The following ZNF586 variants were observed in gnomAD, a reference collection of about 807,000 sequenced individuals.
The protein encoded by ZNF586 is zinc finger protein 586.
ZNF586 carries 7 observed loss-of-function variants against 6.7 expected under a neutral mutation model. The ratio of observed to expected loss-of-function variants is 1.04; its 90% CI spans 0.59 to 1.95. ZNF586 has a LOEUF of 1.95. Ranked by LOEUF, ZNF586 falls within the 30% of genes most tolerant of loss-of-function variation. The pLI, the probability that ZNF586 is intolerant of heterozygous loss-of-function variation, is 0.00. For missense variants in ZNF586, 442 were observed against 489.6 expected, an observed-to-expected ratio of 0.90 and a Z score of 0.92; for synonymous variants, 166 against 168.7, an observed-to-expected ratio of 0.98 and a Z score of 0.12.
rs144410987 is a variant in ZNF586 at position 57,771,157 on chromosome 19, C to T, written c.36+1279C>T. 3.8e-3 allele frequency among the ~76,000 whole-genome samples: 583 copies of T among 152,058 alleles called. 3 individuals carry two copies. The highest frequency in any genetic ancestry group is 0.013 in the African/African-American group (546 of 41,480). On this transcript the variant is annotated intron_variant, in intron 1 of 2. Coordinates refer to ENST00000396154, the MANE Select transcript of ZNF586 (RefSeq NM_017652.4). ...TCTACTAAAAATACAAAAAATTAGC[C>T]AGGCCTGGTGGCACACACCTGTAGT... is the stretch of plus-strand genomic sequence containing the variant.
intron 1 of ZNF586, 79 bp from the exon 2 acceptor site, chr19:57,776,464 G>C: frequency 6.6e-6 from 10 of 1,517,546 alleles, no homozygotes; most frequent in Non-Finnish European, 8.0e-6. Flanking sequence ...GATGGGCAAG[G>C]GTAGATATGT....
intron 1 of ZNF586, chr19:57,774,691 G>T (rs9749314): frequency 0.34 from 322,574 of 942,800 alleles, 58,186 homozygotes; most frequent in East Asian, 0.45. Context: ...GCGTCAGAAT[G>T]ATTTGGGGCT....
At chr19:57,776,210 A>G (rs1014448919) in intron 1 of ZNF586, among the ~76,000 whole-genome samples, 1 of 152,194 alleles carries the variant, frequency 6.6e-6, no homozygotes, top group African/African-American at 2.4e-5. Context: ...GTGTACGTAC[A>G]TAAGGATTAT....
At chr19:57,774,154 T>G (rs1987164738) in intron 1 of ZNF586, among the ~76,000 whole-genome samples, 1 of 145,414 alleles carries the variant, frequency 6.9e-6, no homozygotes, top group Non-Finnish European at 1.5e-5. Flanking sequence ...AGGCAGAGGT[T>G]GCAGTGAACC....
Position 57,769,853 on chromosome 19 carries a change from C to A in ZNF586, c.11C>A (p.Ala4Glu). Reference sequence around the variant, plus strand: ...CCCCCGCCCAGAGTCATGGCGGCAGCAGCCGCTCTGAGGGCGCCTGCTCAG... The same window carrying A: ...CCCCCGCCCAGAGTCATGGCGGCAGAAGCCGCTCTGAGGGCGCCTGCTCAG... MAA[A>E]AALRAPAQSS... Residue 4 changes from alanine (A) to glutamate (E), a missense_variant, in exon 1 of 3, where the codon GCA becomes GAA. Coordinates refer to ENST00000396154, the MANE Select transcript of ZNF586 (RefSeq NM_017652.4). 1 of 1,543,496 alleles carries A rather than the reference C, an allele frequency of 6.5e-7. No individual in the cohort carries two copies. Among genetic ancestry groups the A allele is most frequent in the Non-Finnish European group, 8.7e-7 (1 of 1,145,526 alleles).
rs779581505 is a variant in ZNF586 at position 57,776,577 on chromosome 19, T to C, written c.71T>C (p.Phe24Ser). Residue 24 changes from phenylalanine to serine, a missense_variant, in exon 2 of 3, where the codon TTT becomes TCT. Transcript: ENST00000396154. ...SVTFEDVAVNFSLEEWSLLNE... is the reference protein window; with the variant it reads ...SVTFEDVAVNSSLEEWSLLNE... ...ACCTTTGAAGATGTGGCTGTAAACT[T>C]TTCCCTGGAGGAATGGAGTCTTCTT... The C allele has an allele frequency of 6.2e-7, 1 of 1,613,730 alleles. No homozygotes were observed. The highest frequency in any genetic ancestry group is 1.1e-5 in the South Asian group (1 of 91,050).
In ZNF586 at chr19:57,779,032, A is replaced by G; in HGVS notation, c.445A>G (p.Thr149Ala). The G allele has an allele frequency of 6.2e-7, 1 of 1,613,998 alleles. No homozygotes were observed. ...IHERFHTGQK[T>A]YECSECGKSF... ...TGAGAGATTTCATACTGGGCAAAAGACCTATGAGTGCAGTGAGTGTGGAAA... is the reference window on the plus strand; with the variant it reads ...TGAGAGATTTCATACTGGGCAAAAGGCCTATGAGTGCAGTGAGTGTGGAAA... The change falls in exon 3 of 3, where the codon ACC (threonine) becomes GCC (alanine). Residue 149 changes from threonine (T) to alanine (A), a missense_variant. By Grantham distance (58) the Thr-to-Ala change is moderately conservative (BLOSUM62 0). Transcript: ENST00000396154.
chr19:57,774,536 A>AAATG (rs1206811046), intron 1 of ZNF586, among the ~76,000 whole-genome samples: 3 of 106,990 alleles, frequency 2.8e-5, no homozygotes, highest in African/African-American at 6.8e-5. Flanking sequence ...AAATATAAAT[A>AAATG]AATAAATAAA....
intron 2 of ZNF586, 147 bp downstream of exon 2, chr19:57,776,816 G>T (rs114787787): frequency 3.3e-6 from 3 of 920,068 alleles, no homozygotes; most frequent in Non-Finnish European, 4.8e-6. Context: ...TGAGGTGTAC[G>T]TACTGCCCTG....
chr19:57,779,263 A>G lies in ZNF586; in HGVS notation c.676A>G (p.Arg226Gly). 1.9e-6 allele frequency: 3 copies of G among 1,614,178 alleles called. No homozygotes were observed. The highest frequency in any genetic ancestry group is 1.6e-4 in the Middle Eastern group (1 of 6,062). Residue 226 changes from arginine to glycine, a missense_variant, in exon 3 of 3, where the codon AGG becomes GGG. Transcript: ENST00000396154. Reference sequence around the variant, plus strand: ...TACATCTAGTCTCATTAAACACAGGAGGATTCACACTGGAGAGAGGCCTTA... The same window carrying G: ...TACATCTAGTCTCATTAAACACAGGGGGATTCACACTGGAGAGAGGCCTTA... ...AYTSSLIKHR[R>G]IHTGERPYEC...
At chr19:57,774,652 CTTTTT>C in intron 1 of ZNF586, 2 of 589,798 alleles carry the variant, frequency 3.4e-6, no homozygotes, top group Non-Finnish European at 4.2e-6. Flanking sequence ...GCTAGTGGTT[CTTTTT>C]GTCTGTGGAT....
chr19:57,778,196 C>T (rs1374846433), intron 2 of ZNF586, among the ~76,000 whole-genome samples: 7 of 151,902 alleles, frequency 4.6e-5, no homozygotes, highest in Middle Eastern at 3.4e-3. Context: ...CTCAGCCTCC[C>T]GAGTATCTGG....
intron 2 of ZNF586, among the ~76,000 whole-genome samples, chr19:57,778,071 A>T (rs1987280838): frequency 2.3e-5 from 3 of 127,666 alleles, no homozygotes; most frequent in South Asian, 2.5e-4. Context: ...GGAGTATATA[A>T]TCTTTTTTTT....
At chr19:57,774,260 C>T (rs1054348523) in intron 1 of ZNF586, among the ~76,000 whole-genome samples, 1 of 146,196 alleles carries the variant, frequency 6.8e-6, no homozygotes, top group Non-Finnish European at 1.5e-5. Flanking sequence ...CGGTGGCTCA[C>T]ACCTGTAATC....
intron 1 of ZNF586, among the ~76,000 whole-genome samples, chr19:57,770,951 A>G (rs1214804492): frequency 2.0e-5 from 3 of 152,020 alleles, no homozygotes; most frequent in Non-Finnish European, 2.9e-5. Context: ...CTCCGGGCTC[A>G]GGAGAGCCTC....
chr19:57,777,295 G>C (rs1987259259), intron 2 of ZNF586, among the ~76,000 whole-genome samples: 1 of 152,028 alleles, frequency 6.6e-6, no homozygotes, highest in South Asian at 2.1e-4. Flanking sequence ...GCCAGCATTG[G>C]CTGTTCGTCT....
Position 57,769,824 on chromosome 19 carries a change from T to TC in ZNF586, c.-11dup, listed in dbSNP as rs74911211. 516,930 of 1,518,522 alleles carry TC rather than the reference T, an allele frequency of 0.34. 86,406 individuals carry two copies. Among genetic ancestry groups the TC allele is most frequent in the East Asian group, 0.52 (20,346 of 38,856 alleles). The allele number at this position is 1,518,522 out of a possible 1,614,324, so 94.1% of individuals were successfully genotyped here. A position where few individuals can be genotyped will look rare whatever the true frequency, so the allele number is the denominator to read the frequency against. ...GACAGGAACACCGCCGAGCCCGCGT[T>TC]CCCCCCCCGCCCAGAGTCATGGCGG... On this transcript the variant is annotated 5_prime_UTR_variant, in exon 1 of 3. Coordinates refer to ENST00000396154, the MANE Select transcript of ZNF586 (RefSeq NM_017652.4).
At chr19:57,777,097 T>G (rs1341645266) in intron 2 of ZNF586, among the ~76,000 whole-genome samples, 4 of 152,304 alleles carry the variant, frequency 2.6e-5, no homozygotes, top group South Asian at 4.1e-4. Flanking sequence ...AAAATTCTTT[T>G]TGTAGTATTT....
At chr19:57,771,145 CA>C (rs1266836597) in intron 1 of ZNF586, among the ~76,000 whole-genome samples, 1 of 151,708 alleles carries the variant, frequency 6.6e-6, no homozygotes, top group Non-Finnish European at 1.5e-5. Context: ...ACTAAAAATA[CA>C]AAAAATTAGC....
Sources: allele counts gnomAD v4.1 joint callset (sites outside exome capture counted in the v4.1 genomes callset), GRCh38; gene constraint gnomAD v4.1.1; transcripts MANE v1.5; gene names NCBI Gene and HGNC (gene_info 2026-07-23, HGNC 2026-07-21).